Variants in SHANK2 observed in about 807,000 individuals in gnomAD.
SHANK2 encodes SH3 and multiple ankyrin repeat domains protein 2.
SHANK2 carries 43 observed loss-of-function variants against 133.7 expected under a neutral mutation model. The ratio of observed to expected loss-of-function variants is 0.32; its 90% CI spans 0.25 to 0.41. The LOEUF is 0.41. Among genes scored for constraint, SHANK2 ranks in the 10% least tolerant of loss-of-function variants. SHANK2 has a pLI of 1.00. For missense variants in SHANK2, 1,994 were observed against 2,235.8 expected, an observed-to-expected ratio of 0.89 and a Z score of 2.18; for synonymous variants, 1,017 against 952.8, an observed-to-expected ratio of 1.07 and a Z score of -1.24.
chr11:70,491,973 A>G (rs1256775505), intron 22 of SHANK2, among the ~76,000 whole-genome samples: 1 of 152,118 alleles, frequency 6.6e-6, no homozygotes, highest in Non-Finnish European at 1.5e-5. Context: ...CCTCTTCCAC[A>G]CCGGAGCATT....
intron 24 of SHANK2, among the ~76,000 whole-genome samples, chr11:70,488,499 G>A (rs2058843663): frequency 6.6e-6 from 1 of 152,210 alleles, no homozygotes; most frequent in Non-Finnish European, 1.5e-5. Context: ...GTGTCCTCGA[G>A]CTCTCTGGAC....
At chr11:70,581,297 T>G (rs536445571) in intron 17 of SHANK2, among the ~76,000 whole-genome samples, 4 of 152,324 alleles carry the variant, frequency 2.6e-5, no homozygotes, top group African/African-American at 9.6e-5. Flanking sequence ...CATCTTCCTA[T>G]CTGAATGGTA....
intron 11 of SHANK2, among the ~76,000 whole-genome samples, chr11:70,844,254 C>A (rs1463982051): frequency 3.9e-5 from 6 of 152,288 alleles, no homozygotes; most frequent in African/African-American, 1.2e-4. Flanking sequence ...AATGAATGCC[C>A]CATTTTCCTA....
chr11:70,684,872 G>T (rs1345482671), intron 15 of SHANK2, among the ~76,000 whole-genome samples: 5 of 152,054 alleles, frequency 3.3e-5, no homozygotes, highest in Non-Finnish European at 7.4e-5. Context: ...TACCCTTTAG[G>T]AAGAAGAAGG....
At chr11:70,699,377 G>A (rs1247535162) in intron 14 of SHANK2, among the ~76,000 whole-genome samples, 1 of 151,866 alleles carries the variant, frequency 6.6e-6, no homozygotes, top group African/African-American at 2.4e-5. Flanking sequence ...TAGATTTAAT[G>A]GATAGCTCAG....
intron 14 of SHANK2, among the ~76,000 whole-genome samples, chr11:70,771,304 A>G (rs567598332): frequency 1.2e-4 from 19 of 152,222 alleles, no homozygotes; most frequent in African/African-American, 4.1e-4. Flanking sequence ...TCTTTCAGAG[A>G]CATGGAGGGC....
At chr11:70,624,776 T>C (rs11236935) in intron 17 of SHANK2, among the ~76,000 whole-genome samples, 28,374 of 152,122 alleles carry the variant, frequency 0.19, 2,941 homozygotes, top group African/African-American at 0.26. Context: ...AGAGTGATCC[T>C]GCTAGAAACG....
rs551165011 is a variant in SHANK2 at position 70,871,060 on chromosome 11, G to A, written c.1174+25441C>T. On this transcript the variant is annotated intron_variant, in intron 11 of 25. Coordinates refer to ENST00000601538, the MANE Select transcript of SHANK2 (RefSeq NM_012309.5). The stretch of plus-strand genomic sequence containing the variant: ...CCCAAAGTGCTGGGATTATAAGCAT[G>A]AGCCACTGCACCCGGTCCCATTTCC... Among the ~76,000 whole-genome samples, 116 of 152,324 alleles carry A rather than the reference G, an allele frequency of 7.6e-4. 1 individual carries two copies. Among genetic ancestry groups the A allele is most frequent in the African/African-American group, 2.7e-3 (113 of 41,566 alleles).
intron 17 of SHANK2, among the ~76,000 whole-genome samples, chr11:70,597,492 A>C (rs2060417407): frequency 6.6e-6 from 1 of 152,092 alleles, no homozygotes; most frequent in African/African-American, 2.4e-5. Context: ...GAGAGGGTAG[A>C]GAGGATAGAG....
intron 17 of SHANK2, among the ~76,000 whole-genome samples, chr11:70,565,663 T>C (rs1236673788): frequency 1.3e-5 from 2 of 152,190 alleles, no homozygotes; most frequent in African/African-American, 2.4e-5. Flanking sequence ...ATCCCATCTG[T>C]TTCTCATGCT....
intron 14 of SHANK2, among the ~76,000 whole-genome samples, chr11:70,735,777 C>T (rs1210904135): frequency 6.6e-6 from 1 of 151,852 alleles, no homozygotes; most frequent in Non-Finnish European, 1.5e-5. Flanking sequence ...GCTCACTGGC[C>T]CCAAGGTCCA....
At chr11:70,921,285 A>G (rs1331090437) in intron 10 of SHANK2, among the ~76,000 whole-genome samples, 2 of 152,224 alleles carry the variant, frequency 1.3e-5, no homozygotes, top group Non-Finnish European at 2.9e-5. Context: ...TGGAAAGAGG[A>G]CAGCTGTTGA....
At position 71,108,401 on chromosome 11, in the gene SHANK2, C is replaced by G. The variant is rs560495841; in HGVS notation, c.592+1540G>C. On this transcript the variant is annotated intron_variant, in intron 6 of 25. Coordinates refer to ENST00000601538, the MANE Select transcript of SHANK2 (RefSeq NM_012309.5). ...TCAGCTCCTCTCCTCCTCCCACTGC[C>G]TGCCCCACAGCTGAGGGCCACTGCA... is the stretch of plus-strand genomic sequence containing the variant. Among the ~76,000 whole-genome samples the G allele has an allele frequency of 1.3e-3, 197 of 152,336 alleles. 1 individual carries two copies. The highest frequency in any genetic ancestry group is 4.6e-3 in the African/African-American group (191 of 41,586).
intron 12 of SHANK2, among the ~76,000 whole-genome samples, chr11:70,814,291 T>C (rs1332913745): frequency 6.7e-6 from 1 of 149,410 alleles, no homozygotes; most frequent in East Asian, 2.0e-4. Flanking sequence ...GACACTGCAC[T>C]CCAGCCTGGG....
At chr11:71,111,628 C>A (rs576811661) in intron 5 of SHANK2, among the ~76,000 whole-genome samples, 5 of 152,318 alleles carry the variant, frequency 3.3e-5, no homozygotes, top group Non-Finnish European at 5.9e-5. Context: ...GGGACAAATG[C>A]GGCTTCTGAC....
intron 2 of SHANK2, among the ~76,000 whole-genome samples, chr11:71,171,225 A>T (rs1953307468): frequency 6.6e-6 from 1 of 152,212 alleles, no homozygotes. Flanking sequence ...CAGGGGGCTG[A>T]CAGAGTCCCC....
intron 17 of SHANK2, among the ~76,000 whole-genome samples, chr11:70,585,477 G>C (rs1348478365): frequency 6.6e-6 from 1 of 152,142 alleles, no homozygotes; most frequent in Non-Finnish European, 1.5e-5. Context: ...AATTTCACCT[G>C]GCATTTAACA....
chr11:70,758,446 T>C (rs991935348), intron 14 of SHANK2, among the ~76,000 whole-genome samples: 1 of 152,202 alleles, frequency 6.6e-6, no homozygotes, highest in Admixed American at 6.5e-5. Flanking sequence ...GCGGCGCCCA[T>C]TGCTGCTCCC....
intron 17 of SHANK2, among the ~76,000 whole-genome samples, chr11:70,610,730 G>A (rs1383015782): frequency 6.6e-6 from 1 of 152,208 alleles, no homozygotes. Context: ...CACAGAACAC[G>A]GCATGGGGCT....
Sources: allele counts gnomAD v4.1 joint callset (sites outside exome capture counted in the v4.1 genomes callset), GRCh38; gene constraint gnomAD v4.1.1; transcripts MANE v1.5; gene names NCBI Gene and HGNC (gene_info 2026-07-23, HGNC 2026-07-21).